SPOCK3: variants seen among roughly 807,000 people sequenced by gnomAD.
SPOCK3 encodes the protein SPARC (osteonectin), cwcv and kazal like domains proteoglycan 3.
In SPOCK3, 30 loss-of-function variants were observed where a neutral mutation model predicts 56.6. The ratio of observed to expected loss-of-function variants is 0.53; its 90% CI spans 0.40 to 0.72. The LOEUF (loss-of-function observed/expected upper bound fraction) is 0.72. Among genes scored for constraint, SPOCK3 ranks in the 30% least tolerant of loss-of-function variants. The pLI, the probability that SPOCK3 is intolerant of heterozygous loss-of-function variation, is 0.00. For synonymous variants in SPOCK3, 196 were observed against 183.3 expected (o/e 1.07, Z -0.56); for missense variants, 527 against 530.0 (o/e 0.99, Z 0.06).
intron 4 of SPOCK3, among the ~76,000 whole-genome samples, chr4:166,956,700 A>C (rs1743521869): frequency 6.6e-6 from 1 of 151,992 alleles, no homozygotes; most frequent in Admixed American, 6.6e-5. Flanking sequence ...AAACTGTAGA[A>C]TCTCCATATT....
At chr4:166,927,255 G>A (rs1440832624) in intron 4 of SPOCK3, among the ~76,000 whole-genome samples, 3 of 152,074 alleles carry the variant, frequency 2.0e-5, no homozygotes, top group Non-Finnish European at 2.9e-5. Flanking sequence ...TAATTCCCAC[G>A]TTTTGTGGGA....
chr4:166,939,087 C>T lies in SPOCK3; in HGVS notation c.351-26344G>A, dbSNP rs563445735. 3.9e-5 allele frequency among the ~76,000 whole-genome samples: 6 copies of T among 152,210 alleles called. No homozygotes were observed. In the East Asian group the frequency reaches 1.2e-3, roughly 29 times the overall value. The stretch of plus-strand genomic sequence containing the variant: ...ATAGAGGCTCTATACAGTTAAATGG[C>T]ATGCTTGCCCTACTAGAAGCTAGTA... On this transcript the variant is annotated intron_variant, in intron 4 of 10. Coordinates refer to ENST00000357545, the MANE Select transcript of SPOCK3 (RefSeq NM_001040159.2).
At chr4:166,976,918 G>T (rs1389173881) in intron 4 of SPOCK3, among the ~76,000 whole-genome samples, 1 of 151,316 alleles carries the variant, frequency 6.6e-6, no homozygotes, top group African/African-American at 2.4e-5. Flanking sequence ...TATACCATTT[G>T]ATTCTTTTTA....
chr4:166,768,323 G>T (rs1738425010), intron 7 of SPOCK3, among the ~76,000 whole-genome samples: 3 of 152,116 alleles, frequency 2.0e-5, no homozygotes, highest in Non-Finnish European at 2.9e-5. Context: ...GCAGTGGCTG[G>T]TACCGATTGT....
intron 6 of SPOCK3, among the ~76,000 whole-genome samples, chr4:166,877,753 G>A (rs945778312): frequency 6.6e-6 from 1 of 151,996 alleles, no homozygotes; most frequent in Non-Finnish European, 1.5e-5. Flanking sequence ...TTTTTTGTTT[G>A]TAGTAACAAC....
At chr4:167,096,101 C>T (rs960990376) in intron 2 of SPOCK3, among the ~76,000 whole-genome samples, 1 of 151,732 alleles carries the variant, frequency 6.6e-6, no homozygotes, top group African/African-American at 2.4e-5. Flanking sequence ...TGAAGAACAC[C>T]ATAAAAAGAC....
intron 2 of SPOCK3, among the ~76,000 whole-genome samples, chr4:167,122,587 T>C (rs577516090): frequency 7.2e-5 from 11 of 152,324 alleles, no homozygotes; most frequent in African/African-American, 2.4e-4. Flanking sequence ...CATTGTCACA[T>C]TGTACTTGTG....
chr4:167,127,052 T>C (rs78439434), intron 2 of SPOCK3, among the ~76,000 whole-genome samples: 13,201 of 152,186 alleles, frequency 0.087, 729 homozygotes, highest in Middle Eastern at 0.16. Flanking sequence ...GGACCAGCAA[T>C]AGAATAGACA....
At chr4:166,932,552 G>A (rs1003641231) in intron 4 of SPOCK3, among the ~76,000 whole-genome samples, 3 of 152,062 alleles carry the variant, frequency 2.0e-5, no homozygotes, top group African/African-American at 7.2e-5. Flanking sequence ...TGAATTCCTT[G>A]GAAGTTGTAT....
intron 6 of SPOCK3, among the ~76,000 whole-genome samples, chr4:166,856,862 C>A (rs1014299880): frequency 2.0e-5 from 3 of 151,368 alleles, no homozygotes; most frequent in Non-Finnish European, 2.9e-5. Flanking sequence ...ATGCAATCGA[C>A]TGGAAAAAAA....
chr4:167,157,430 T>A (rs1365149191), intron 2 of SPOCK3, among the ~76,000 whole-genome samples: 1 of 151,992 alleles, frequency 6.6e-6, no homozygotes, highest in East Asian at 1.9e-4. Context: ...CTATTAGAAA[T>A]TTTCTTGACC....
intron 3 of SPOCK3, among the ~76,000 whole-genome samples, chr4:167,012,965 C>G (rs1750237166): frequency 6.6e-6 from 1 of 151,774 alleles, no homozygotes; most frequent in South Asian, 2.1e-4. Context: ...GTTAATTAGA[C>G]TTTTGACAGT....
intron 8 of SPOCK3, among the ~76,000 whole-genome samples, chr4:166,745,214 A>C (rs184551679): frequency 2.6e-4 from 40 of 152,314 alleles, no homozygotes; most frequent in Non-Finnish European, 4.7e-4. Flanking sequence ...AAATGAAGGA[A>C]AAAATGTTAA....
chr4:166,997,291 T>C (rs1047611509), intron 4 of SPOCK3, among the ~76,000 whole-genome samples: 2 of 152,042 alleles, frequency 1.3e-5, no homozygotes, highest in African/African-American at 4.8e-5. Context: ...ACCTGCACAT[T>C]CTGCACATGT....
At chr4:167,051,526 T>A (rs1754197702) in intron 3 of SPOCK3, among the ~76,000 whole-genome samples, 1 of 152,214 alleles carries the variant, frequency 6.6e-6, no homozygotes, top group African/African-American at 2.4e-5. Flanking sequence ...TCATTAGCAG[T>A]ATACAACAAC....
chr4:166,919,652 A>G (rs1422955023), intron 4 of SPOCK3, among the ~76,000 whole-genome samples: 2 of 152,184 alleles, frequency 1.3e-5, no homozygotes, highest in Non-Finnish European at 2.9e-5. Context: ...CCTTCATTTA[A>G]AAAGGTATAT....
At chr4:167,006,186 T>C (rs1218063721) in intron 3 of SPOCK3, among the ~76,000 whole-genome samples, 1 of 152,120 alleles carries the variant, frequency 6.6e-6, no homozygotes, top group Admixed American at 6.5e-5. Flanking sequence ...TATCAGAAAA[T>C]TATAGATCAA....
intron 2 of SPOCK3, among the ~76,000 whole-genome samples, chr4:167,133,208 G>A (rs1463663624): frequency 1.3e-5 from 2 of 152,152 alleles, no homozygotes; most frequent in African/African-American, 4.8e-5. Flanking sequence ...GTAATCAGGA[G>A]GATCATTTTA....
chr4:167,169,481 G>A (rs1730305383), intron 2 of SPOCK3, among the ~76,000 whole-genome samples: 1 of 152,110 alleles, frequency 6.6e-6, no homozygotes, highest in African/African-American at 2.4e-5. Flanking sequence ...CTTGCATGGG[G>A]CCTGTAGCTA....
Sources: gnomAD v4.1 joint callset for allele counts (sites outside exome capture counted in the v4.1 genomes callset) on GRCh38, gnomAD v4.1.1 for gene constraint, MANE v1.5 for transcripts, NCBI Gene and HGNC (gene_info 2026-07-23, HGNC 2026-07-21) for gene names.